FADS2: variants seen among roughly 807,000 people sequenced by gnomAD.
FADS2 encodes the protein fatty acid desaturase 2, also known as acyl-CoA 6-desaturase.
In FADS2, 18 loss-of-function variants were observed where a neutral mutation model predicts 61.2. The observed-to-expected ratio is 0.29, with a 90% CI of 0.20 to 0.44. The LOEUF is 0.44. Ranked by LOEUF, FADS2 falls within the 20% of genes least tolerant of loss-of-function variation. The pLI is 1.00. For missense variants in FADS2, 322 were observed against 572.7 expected, an observed-to-expected ratio of 0.56 and a Z score of 4.47; for synonymous variants, 203 against 223.9, an observed-to-expected ratio of 0.91 and a Z score of 0.83.
Position 61,816,729 on chromosome 11 carries a change from G to C in FADS2, c.141+303G>C, listed in dbSNP as rs1425573892. ...AGCGCGGGGTAGGTCCCTGAGCCGC[G>C]GTCTCGGCGGCCACCGGGTCGGGGG... On this transcript the variant is annotated intron_variant, in intron 1 of 11. Transcript: ENST00000257261. The surrounding 1 kb of genome is among the most constrained non-coding windows in gnomAD (Gnocchi z 7.0). 7.7e-6 allele frequency: 12 copies of C among 1,559,808 alleles called. No individual in the cohort carries two copies. The Admixed American group carries it at 2.3e-4, about 30-fold the overall frequency.
At chr11:61,833,740 C>T (rs1381012381) in intron 1 of FADS2, among the ~76,000 whole-genome samples, 1 of 152,148 alleles carries the variant, frequency 6.6e-6, no homozygotes, top group Non-Finnish European at 1.5e-5. Flanking sequence ...GTGGGGATGC[C>T]GGAGAAGGCT....
At chr11:61,819,756 T>C (rs1051091358) in intron 1 of FADS2, among the ~76,000 whole-genome samples, 2 of 152,204 alleles carry the variant, frequency 1.3e-5, no homozygotes, top group African/African-American at 4.8e-5. Context: ...AAGGTACATA[T>C]GCACAACATG....
intron 4 of FADS2, among the ~76,000 whole-genome samples, chr11:61,841,951 T>G (rs1327623992): frequency 6.6e-6 from 1 of 152,238 alleles, no homozygotes; most frequent in Non-Finnish European, 1.5e-5. Flanking sequence ...CAAGCTGGAA[T>G]TGCCAACTGC....
Position 61,828,642 on chromosome 11 carries a change from G to A in FADS2, c.207+45G>A. The A allele has an allele frequency of 6.4e-7, 1 of 1,553,688 alleles. No individual in the cohort carries two copies. Among genetic ancestry groups the A allele is most frequent in the East Asian group, 2.3e-5 (1 of 43,926 alleles). On this transcript the variant is annotated intron_variant, in intron 1 of 11. Coordinates refer to ENST00000278840, the MANE Select transcript of FADS2 (RefSeq NM_004265.4). This position sits in a 1 kb window ranked among gnomAD's most constrained non-coding sequence, Gnocchi z 6.4. ...CCAGCCACCCTTCTCTGCTGCAGGC[G>A]GAGTCAGGATCCCTGGCTCCCCGTG...
intron 1 of FADS2, among the ~76,000 whole-genome samples, chr11:61,831,493 G>A (rs2067128417): frequency 6.6e-6 from 1 of 152,176 alleles, no homozygotes; most frequent in Non-Finnish European, 1.5e-5. Flanking sequence ...ACAATCAGGG[G>A]CCTCAATAGG....
chr11:61,861,482 C>CA (rs200859636), intron 7 of FADS2, among the ~76,000 whole-genome samples: 123 of 149,514 alleles, frequency 8.2e-4, no homozygotes, highest in East Asian at 3.9e-4. Context: ...ATCCCATCTC[C>CA]AAAAAAAAAT....
At chr11:61,831,700 G>A (rs954149298) in intron 1 of FADS2, among the ~76,000 whole-genome samples, 2 of 152,108 alleles carry the variant, frequency 1.3e-5, no homozygotes, top group African/African-American at 4.8e-5. Flanking sequence ...GATCAGCCCC[G>A]TAGGCATCTC....
rs2067464636 is a variant in FADS2, at chr11:61,865,901, GTCAGCCA to G, written c.*221_*227del. The G allele has an allele frequency of 3.5e-6, 2 of 575,886 alleles. No individual in the cohort carries two copies. The highest frequency in any genetic ancestry group is 3.7e-5 in the African/African-American group (2 of 53,562). The allele number at this position is 575,886 out of a possible 1,614,324, so 35.7% of individuals were successfully genotyped here. A position where few individuals can be genotyped will look rare whatever the true frequency, so the allele number is the denominator to read the frequency against. On this transcript the variant is annotated 3_prime_UTR_variant, in exon 12 of 12. Coordinates refer to ENST00000278840, the MANE Select transcript of FADS2 (RefSeq NM_004265.4). This position sits in a 1 kb window ranked among gnomAD's most constrained non-coding sequence, Gnocchi z 4.1. ...TCATGGGACCTGCCCTCCCTCAGCC[GTCAGCCA>G]TCAGCCATGGCCCTCCCAGTGCCTC...
chr11:61,859,198 C>G (rs940861763), intron 7 of FADS2, among the ~76,000 whole-genome samples: 1 of 152,148 alleles, frequency 6.6e-6, no homozygotes, highest in Non-Finnish European at 1.5e-5. Context: ...GCTGGGATTA[C>G]AGGCATGCGC....
intron 1 of FADS2, among the ~76,000 whole-genome samples, chr11:61,835,951 AAATT>A (rs2067170826): frequency 6.6e-6 from 1 of 152,266 alleles, no homozygotes; most frequent in African/African-American, 2.4e-5. Context: ...ACATTTAAGA[AAATT>A]AATAGTAATT....
intron 8 of FADS2, 35 bp from the exon 9 acceptor site, chr11:61,863,247 C>G (rs756633570): frequency 1.3e-6 from 2 of 1,569,460 alleles, no homozygotes; most frequent in Non-Finnish European, 1.8e-6. Context: ...GCTGGGCCCC[C>G]GGAGGCCCCT....
chr11:61,863,893 G>A (rs2067438876), intron 10 of FADS2, 107 bp downstream of exon 10: 2 of 933,428 alleles, frequency 2.1e-6, no homozygotes, highest in African/African-American at 1.6e-5. Context: ...TTGTCTCTCT[G>A]ACAAGGTCTC....
chr11:61,817,196 GAA>G, intron 1 of FADS2: 1 of 170,416 alleles, frequency 5.9e-6, no homozygotes, highest in Non-Finnish European at 1.2e-5. Context: ...GTGGCCGCAG[GAA>G]GGGTGGGCGG....
chr11:61,816,309 CTTTG>C lies in FADS2; in HGVS notation c.30_33del (p.Val12AlafsTer52), dbSNP rs1402649962. Reference sequence around the variant, plus strand: ...GAATGCACGGCAGGGAGGCGGGACCCTTTGTTTGTGTGTGCGTGTTGTTGGCCTC... The same window carrying C: ...GAATGCACGGCAGGGAGGCGGGACCCTTTGTGTGTGCGTGTTGTTGGCCTC... On this transcript the variant is annotated frameshift_variant, in exon 1 of 12. Coordinates refer to the FADS2 transcript ENST00000257261. LOFTEE classifies it high-confidence loss of function. The surrounding 1 kb of genome is among the most constrained non-coding windows in gnomAD (Gnocchi z 7.0). 13 of 1,598,384 alleles carry C rather than the reference CTTTG, an allele frequency of 8.1e-6. No individual in the cohort carries two copies. Among genetic ancestry groups the C allele is most frequent in the East Asian group, 4.5e-5 (2 of 44,872 alleles).
intron 4 of FADS2, chr11:61,846,620 A>G (rs2067262426): frequency 6.6e-6 from 1 of 152,160 alleles, no homozygotes; most frequent in Admixed American, 6.5e-5. Context: ...TAGCCAAAGC[A>G]TTGATCCGGC....
In FADS2 at chr11:61,840,391, T is replaced by C; in HGVS notation, c.376T>C (p.Phe126Leu). 6.2e-7 allele frequency: 1 copy of C among 1,614,194 alleles called. No individual in the cohort carries two copies. The highest frequency in any genetic ancestry group is 8.5e-7 in the Non-Finnish European group (1 of 1,180,034). The stretch of plus-strand genomic sequence containing the variant: ...GAAGACGGCTGAGGACATGAACCTG[T>C]TCAAGACCAACCACGTGTTCTTCCT... ...LRKTAEDMNL[F>L]KTNHVFFLLL... The change falls in exon 3 of 12, where the codon TTC becomes CTC. Residue 126 changes from phenylalanine to leucine, a missense_variant. Around this residue, in one of 3 missense-constraint regions of FADS2, gnomAD observed 221 missense variants for 427.9 expected, o/e 0.52. Transcript: ENST00000278840.
intron 1 of FADS2, among the ~76,000 whole-genome samples, chr11:61,831,880 A>G (rs2067132969): frequency 6.6e-6 from 1 of 152,106 alleles, no homozygotes. Flanking sequence ...TGTGGGCAAA[A>G]GGAACCCTCA....
In FADS2 at chr11:61,837,824, T is replaced by A. The variant is rs1425790830; in HGVS notation, c.254T>A (p.Phe85Tyr). The change falls in exon 2 of 12, where the codon TTC becomes TAC. Residue 85 changes from phenylalanine to tyrosine, a missense_variant. Phe to Tyr is a conservative substitution (Grantham distance 22). Around this residue, in one of 3 missense-constraint regions of FADS2, gnomAD observed 40 missense variants for 37.3 expected, o/e 1.07. Coordinates refer to ENST00000278840, the MANE Select transcript of FADS2 (RefSeq NM_004265.4). ...CCTGACCTGGAATTCGTGGGCAAGT[T>A]CTTGAAACCCCTGCTGATTGGTGAA... ...FHPDLEFVGK[F>Y]LKPLLIGELA... 1 of 1,613,842 alleles carries A rather than the reference T, an allele frequency of 6.2e-7. No individual in the cohort carries two copies.
At chr11:61,837,040 T>C (rs2067180132) in intron 1 of FADS2, among the ~76,000 whole-genome samples, 1 of 152,264 alleles carries the variant, frequency 6.6e-6, no homozygotes, top group Non-Finnish European at 1.5e-5. Flanking sequence ...GGGTGATATT[T>C]ATTTTCCTCT....
Sources: allele counts gnomAD v4.1 joint callset (sites outside exome capture counted in the v4.1 genomes callset), GRCh38; gene constraint gnomAD v4.1.1; regional missense constraint gnomAD v4.1.1; non-coding constraint Gnocchi (gnomAD v3.1); transcripts MANE v1.5; gene names NCBI Gene and HGNC (gene_info 2026-07-23, HGNC 2026-07-21).